The following PCDHA8 variants were observed in gnomAD, a reference collection of about 807,000 sequenced individuals.
The protein encoded by PCDHA8 is protocadherin alpha 8.
In PCDHA8, 53 loss-of-function variants were observed where a neutral mutation model predicts 61.8. The ratio of observed to expected loss-of-function variants is 0.86; its 90% CI spans 0.69 to 1.08. PCDHA8 has a LOEUF of 1.08. PCDHA8 is among the 50% of genes least tolerant of loss of function. The pLI is 0.00. For synonymous variants in PCDHA8, 618 were observed against 556.6 expected (o/e 1.11, Z -1.55); for missense variants, 1,293 against 1,245.0 (o/e 1.04, Z -0.58).
At chr5:140,923,397 G>A (rs1392831353) in intron 1 of PCDHA8, among the ~76,000 whole-genome samples, 2 of 152,128 alleles carry the variant, frequency 1.3e-5, no homozygotes, top group East Asian at 3.9e-4. Flanking sequence ...GCATGGTGGT[G>A]TGTGCCTATA....
chr5:140,877,835 G>A, intron 1 of PCDHA8: 11 of 1,586,326 alleles, frequency 6.9e-6, no homozygotes, highest in Non-Finnish European at 9.4e-6. Context: ...AATCCTCCCA[G>A]TGAAGTAAGT....
intron 1 of PCDHA8, among the ~76,000 whole-genome samples, chr5:140,940,729 C>G (rs545285188): frequency 8.9e-4 from 136 of 152,326 alleles, no homozygotes; most frequent in African/African-American, 3.2e-3. Context: ...TTCAGCTGGA[C>G]AGCTCCATAT....
intron 1 of PCDHA8, chr5:140,875,414 C>T: frequency 6.6e-7 from 1 of 1,508,510 alleles, no homozygotes; most frequent in Non-Finnish European, 8.8e-7. Context: ...CATAAAATAC[C>T]TCAGGCAAGC....
intron 1 of PCDHA8, among the ~76,000 whole-genome samples, chr5:140,975,268 G>C (rs1054634006): frequency 6.6e-6 from 1 of 152,102 alleles, no homozygotes; most frequent in African/African-American, 2.4e-5. Flanking sequence ...TCTGATTTCT[G>C]TCTCTGACCT....
rs1777468782 is a variant in PCDHA8, at chr5:140,841,756, C to G, written c.435C>G (p.Ser145=). Reference sequence around the variant, plus strand: ...ACCAAAAGCTGTTTGTTTCAGAATCCAGAATGCCAGACTCTCGGTTTCCGC... The same window carrying G: ...ACCAAAAGCTGTTTGTTTCAGAATCGAGAATGCCAGACTCTCGGTTTCCGC... ...VKDQKLFVSE[S]RMPDSRFPLE... Residue 145 remains serine, a synonymous_variant, in exon 1 of 4, where the codon TCC becomes TCG. Coordinates refer to ENST00000531613, the MANE Select transcript of PCDHA8 (RefSeq NM_018911.3). The G allele has an allele frequency of 2.5e-6, 4 of 1,613,854 alleles. No individual in the cohort carries two copies. Among genetic ancestry groups the G allele is most frequent in the Non-Finnish European group, 1.7e-6 (2 of 1,179,860 alleles).
At position 140,854,813 on chromosome 5, in the gene PCDHA8, C is replaced by T. The variant is rs957346497; in HGVS notation, c.2394+11098C>T. 2.0e-5 allele frequency: 3 copies of T among 149,256 alleles called. 1 individual carries two copies. Among genetic ancestry groups the T allele is most frequent in the Admixed American group, 6.7e-5 (1 of 14,824 alleles). The allele number at this position is 149,256 out of a possible 1,614,324, so 9.2% of individuals were successfully genotyped here. On this transcript the variant is annotated intron_variant, in intron 1 of 3. Coordinates refer to ENST00000531613, the MANE Select transcript of PCDHA8 (RefSeq NM_018911.3). ...GAGAGAGAAAAAAATATTTTTACTGCAAGTGGTGATGAAAAACTTCACTGA... is the reference window on the plus strand; with the variant it reads ...GAGAGAGAAAAAAATATTTTTACTGTAAGTGGTGATGAAAAACTTCACTGA...
intron 1 of PCDHA8, among the ~76,000 whole-genome samples, chr5:140,888,659 C>A (rs1373585694): frequency 6.6e-6 from 1 of 152,198 alleles, no homozygotes; most frequent in Non-Finnish European, 1.5e-5. Context: ...AGGACACCAC[C>A]TAATGCCCTG....
At chr5:140,902,038 A>G (rs900077287) in intron 1 of PCDHA8, among the ~76,000 whole-genome samples, 13 of 152,040 alleles carry the variant, frequency 8.6e-5, no homozygotes, top group African/African-American at 2.9e-4. Context: ...TAATTTTTGT[A>G]TGTTGATTTT....
chr5:140,970,776 A>G lies in PCDHA8; in HGVS notation c.2395-8173A>G, dbSNP rs1338334067. Among the ~76,000 whole-genome samples the G allele has an allele frequency of 1.3e-5, 2 of 152,212 alleles. 1 individual carries two copies. The highest frequency in any genetic ancestry group is 4.8e-5 in the African/African-American group (2 of 41,458). On this transcript the variant is annotated intron_variant, in intron 1 of 3. Coordinates refer to ENST00000531613, the MANE Select transcript of PCDHA8 (RefSeq NM_018911.3). Reference sequence around the variant, plus strand: ...TTCATTGACATATTGCTGTACATACATATTGTATGTAATATCCATATTGTT... The same window carrying G: ...TTCATTGACATATTGCTGTACATACGTATTGTATGTAATATCCATATTGTT...
Position 140,842,127 on chromosome 5 carries a change from C to A in PCDHA8, c.806C>A (p.Pro269Gln), listed in dbSNP as rs2150329918. 3 of 1,613,572 alleles carry A rather than the reference C, an allele frequency of 1.9e-6. No homozygotes were observed. The highest frequency in any genetic ancestry group is 1.3e-5 in the African/African-American group (1 of 74,952). Residue 269 changes from proline (P) to glutamine (Q), a missense_variant, in exon 1 of 4, where the codon CCG becomes CAG. Physicochemically the swap from Pro to Gln is moderately conservative, Grantham distance 76 (BLOSUM62 -1). Transcript: ENST00000531613. The part of the protein sequence containing the change: ...TTVIKLNASD[P>Q]DEGANGAISY... Reference sequence around the variant, plus strand: ...GTTATCAAACTGAATGCTTCTGATCCGGATGAAGGAGCCAATGGGGCAATT... The same window carrying A: ...GTTATCAAACTGAATGCTTCTGATCAGGATGAAGGAGCCAATGGGGCAATT...
intron 3 of PCDHA8, among the ~76,000 whole-genome samples, chr5:140,990,304 A>T (rs114506238): frequency 3.9e-5 from 6 of 152,286 alleles, no homozygotes; most frequent in Non-Finnish European, 8.8e-5. Context: ...CATTGTCTGT[A>T]AAAAACCAAC....
chr5:140,949,809 G>A (rs782774481), intron 1 of PCDHA8, among the ~76,000 whole-genome samples: 1 of 151,712 alleles, frequency 6.6e-6, no homozygotes. Flanking sequence ...TACATTATTT[G>A]CTTTCTATTT....
At chr5:140,877,627 A>C (rs782765998) in intron 1 of PCDHA8, 1 of 1,613,614 alleles carries the variant, frequency 6.2e-7, no homozygotes, top group East Asian at 2.2e-5. Context: ...GCTGCTGTAC[A>C]CTGCGCTGCG....
chr5:140,883,771 G>A (rs782418376), intron 1 of PCDHA8: 11 of 1,612,346 alleles, frequency 6.8e-6, no homozygotes, highest in African/African-American at 1.3e-5. Context: ...GGGTGGGCGA[G>A]CGTGCGCTGT....
chr5:140,867,676 G>T (rs2050100182), intron 1 of PCDHA8: 1 of 151,988 alleles, frequency 6.6e-6, no homozygotes, highest in Admixed American at 6.6e-5. Flanking sequence ...CTAAAATTTT[G>T]TTGCATCTTC....
At chr5:140,876,602 G>C (rs572945874) in intron 1 of PCDHA8, 2 of 1,614,180 alleles carry the variant, frequency 1.2e-6, no homozygotes, top group Non-Finnish European at 1.7e-6. Flanking sequence ...GTGTCGGATC[G>C]TGACTCTGGA....
In PCDHA8 at chr5:140,927,522, A is replaced by G. The variant is rs1292484442; in HGVS notation, c.2395-51427A>G. On this transcript the variant is annotated intron_variant, in intron 1 of 3. Coordinates refer to ENST00000531613, the MANE Select transcript of PCDHA8 (RefSeq NM_018911.3). ...TGCTTACAGCTCGGGACGGCGGGCT[A>G]CCTGCCCGCTCAGGAGACGCACAAG... 5.6e-6 allele frequency: 9 copies of G among 1,614,088 alleles called. No homozygotes were observed. In the South Asian group the frequency reaches 9.9e-5, roughly 18 times the overall value.
In PCDHA8 at chr5:140,869,909, G is replaced by A. The variant is rs781996593; in HGVS notation, c.2394+26194G>A. ...GTGCTCAAACTAAACGCCACAGACCGAGACGAAGGAGTCAATGGAGAGGTA... is the reference window on the plus strand; with the variant it reads ...GTGCTCAAACTAAACGCCACAGACCAAGACGAAGGAGTCAATGGAGAGGTA... On this transcript the variant is annotated intron_variant, in intron 1 of 3. Transcript: ENST00000531613. 2.6e-5 allele frequency: 42 copies of A among 1,610,632 alleles called. No individual in the cohort carries two copies. Among genetic ancestry groups the A allele is most frequent in the Non-Finnish European group, 3.1e-5 (36 of 1,178,298 alleles).
intron 1 of PCDHA8, chr5:140,967,680 G>C (rs1554229771): frequency 6.2e-7 from 1 of 1,614,228 alleles, no homozygotes; most frequent in South Asian, 1.1e-5. Context: ...GACCGGGAGA[G>C]GCAGCTCTTC....
Sources: allele counts gnomAD v4.1 joint callset (sites outside exome capture counted in the v4.1 genomes callset), GRCh38; gene constraint gnomAD v4.1.1; transcripts MANE v1.5; gene names NCBI Gene and HGNC (gene_info 2026-07-23, HGNC 2026-07-21).